STXBP6: variants seen among roughly 807,000 people sequenced by gnomAD.
STXBP6 encodes syntaxin binding protein 6.
Under a neutral mutation model 26.9 loss-of-function variants are expected in STXBP6, and 21 were observed. The ratio of observed to expected loss-of-function variants is 0.78; its 90% CI spans 0.55 to 1.12. STXBP6 has a LOEUF of 1.12. STXBP6 is among the 50% of genes most tolerant of loss of function. STXBP6 has a pLI of 0.00. For synonymous variants in STXBP6, 97 were observed against 92.6 expected, an observed-to-expected ratio of 1.05 and a Z score of -0.27; for missense variants, 232 against 257.9, an observed-to-expected ratio of 0.90 and a Z score of 0.69.
chr14:24,981,555 C>T (rs2074192449), intron 1 of STXBP6, among the ~76,000 whole-genome samples: 1 of 152,142 alleles, frequency 6.6e-6, no homozygotes, highest in South Asian at 2.1e-4. Flanking sequence ...CAGGTGCGTG[C>T]CCAGCCCAGA....
chr14:24,866,516 A>C (rs1177856884), intron 2 of STXBP6, among the ~76,000 whole-genome samples: 1 of 152,108 alleles, frequency 6.6e-6, no homozygotes, highest in Non-Finnish European at 1.5e-5. Flanking sequence ...ATAGTCAATA[A>C]GGCAACAAAG....
chr14:25,017,582 A>G (rs1360017731), intron 1 of STXBP6, among the ~76,000 whole-genome samples: 2 of 152,234 alleles, frequency 1.3e-5, no homozygotes. Context: ...GTATTCAAAG[A>G]TCAGAGACTC....
intron 4 of STXBP6, among the ~76,000 whole-genome samples, chr14:24,844,362 C>G (rs966930485): frequency 2.0e-5 from 3 of 152,110 alleles, no homozygotes; most frequent in African/African-American, 7.2e-5. Flanking sequence ...ATTATCAAAC[C>G]CGAGGAAGAG....
At chr14:24,985,310 A>C (rs2140257519) in intron 1 of STXBP6, among the ~76,000 whole-genome samples, 1 of 152,346 alleles carries the variant, frequency 6.6e-6, no homozygotes, top group Admixed American at 6.5e-5. Context: ...GCTGCTCACC[A>C]CCATCATTTC....
At chr14:24,930,356 T>C (rs879492951) in intron 2 of STXBP6, among the ~76,000 whole-genome samples, 1 of 152,252 alleles carries the variant, frequency 6.6e-6, no homozygotes, top group Non-Finnish European at 1.5e-5. Flanking sequence ...TGATAAAGTC[T>C]TCACCACACA....
chr14:25,049,616 CA>C lies in STXBP6; in HGVS notation c.-33+261del, dbSNP rs2075774356. ...TGCGGCTTGCCCAATACTGCCCGCA[CA>C]ACGGGTCCCAGGGTTGGAGAGAACC... On this transcript the variant is annotated intron_variant, in intron 1 of 5. Transcript: ENST00000323944. The surrounding 1 kb of genome is among the most constrained non-coding windows in gnomAD (Gnocchi z 5.6). 1 of 985,452 alleles carries C rather than the reference CA, an allele frequency of 1.0e-6. No homozygotes were observed. Among genetic ancestry groups the C allele is most frequent in the African/African-American group, 1.7e-5 (1 of 57,376 alleles). 61.0% of individuals were successfully genotyped at this position (985,452 alleles called of 1,614,324 possible). A position where few individuals can be genotyped will look rare whatever the true frequency, so the allele number is the denominator to read the frequency against.
intron 1 of STXBP6, among the ~76,000 whole-genome samples, chr14:24,989,621 G>A (rs2140278112): frequency 6.6e-6 from 1 of 152,326 alleles, no homozygotes; most frequent in Admixed American, 6.5e-5. Flanking sequence ...TGTGGGGAGG[G>A]GGATGGCAGT....
In STXBP6 at chr14:24,812,863, A is replaced by G. The variant is rs1042632526; in HGVS notation, c.610-131T>C. On this transcript the variant is annotated intron_variant, in intron 5 of 5. Transcript: ENST00000323944. ...AAGATTCTACTCTCTGTGGCAGATC[A>G]CCGTTACTAATTACAGTAGCACCTT... 12 of 825,156 alleles carry G rather than the reference A, an allele frequency of 1.5e-5. No homozygotes were observed. The African/African-American group carries it at 1.9e-4, about 13-fold the overall frequency. The allele number at this position is 825,156 out of a possible 1,614,324, so 51.1% of individuals were successfully genotyped here.
At chr14:24,952,053 T>C (rs1440448052) in intron 2 of STXBP6, among the ~76,000 whole-genome samples, 1 of 150,964 alleles carries the variant, frequency 6.6e-6, no homozygotes, top group African/African-American at 2.4e-5. Context: ...TATAAAAATA[T>C]TAAAGAATGA....
chr14:24,974,156 C>A (rs1358247335), intron 2 of STXBP6, among the ~76,000 whole-genome samples: 2 of 151,602 alleles, frequency 1.3e-5, no homozygotes, highest in Non-Finnish European at 1.5e-5. Flanking sequence ...CTCTTCTTGA[C>A]AAGGCAATGG....
At chr14:24,838,056 A>G (rs2068671326) in intron 4 of STXBP6, among the ~76,000 whole-genome samples, 1 of 152,220 alleles carries the variant, frequency 6.6e-6, no homozygotes, top group African/African-American at 2.4e-5. Context: ...TTTTTGAGAA[A>G]GAGTTTCACT....
Position 24,810,596 on chromosome 14 carries a change from A to T in STXBP6, c.*2113T>A, listed in dbSNP as rs1326611364. 3 of 152,212 alleles carry T rather than the reference A, an allele frequency of 2.0e-5. No homozygotes were observed. The highest frequency in any genetic ancestry group is 2.0e-4 in the Admixed American group (3 of 15,286). The allele number at this position is 152,212 out of a possible 1,614,324, so 9.4% of individuals were successfully genotyped here. ...AAGGATAAGCAGAGAGTGAGGAAAG[A>T]GGGCAAGACATGGAATACTTATATT... On this transcript the variant is annotated 3_prime_UTR_variant, in exon 6 of 6. Transcript: ENST00000323944.
At chr14:24,970,832 T>C (rs1051915490) in intron 2 of STXBP6, among the ~76,000 whole-genome samples, 1 of 152,236 alleles carries the variant, frequency 6.6e-6, no homozygotes, top group South Asian at 2.1e-4. Context: ...CAGCAAAGTA[T>C]GAGAGCTCAA....
rs1401146732 is a variant in STXBP6 at position 24,811,824 on chromosome 14, A to G, written c.*885T>C. ...CATTTTAAATGTACTACTTGTTCACATTATCATTGACACAGACCTTTACCT... is the reference window on the plus strand; with the variant it reads ...CATTTTAAATGTACTACTTGTTCACGTTATCATTGACACAGACCTTTACCT... On this transcript the variant is annotated 3_prime_UTR_variant, in exon 6 of 6. Transcript: ENST00000323944. The G allele has an allele frequency of 6.6e-6, 1 of 152,328 alleles. No individual in the cohort carries two copies. Among genetic ancestry groups the G allele is most frequent in the East Asian group, 1.9e-4 (1 of 5,182 alleles). The allele number at this position is 152,328 out of a possible 1,614,324, so 9.4% of individuals were successfully genotyped here.
chr14:24,959,101 A>G (rs939021385), intron 2 of STXBP6, among the ~76,000 whole-genome samples: 2 of 152,208 alleles, frequency 1.3e-5, no homozygotes, highest in Non-Finnish European at 2.9e-5. Flanking sequence ...CACCACCACT[A>G]CCACTAGTTC....
Position 24,972,306 on chromosome 14 carries a change from G to A in STXBP6, c.154+2359C>T, listed in dbSNP as rs188458751. Among the ~76,000 whole-genome samples the A allele has an allele frequency of 1.4e-3, 213 of 152,322 alleles. 2 individuals are homozygous for A. Among genetic ancestry groups the A allele is most frequent in the Non-Finnish European group, 2.4e-3 (160 of 68,022 alleles). Reference sequence around the variant, plus strand: ...CAAAGGAAATACAGTTATTCCGTAAGTCCCAGGTCATTATCTTCTATGGCA... The same window carrying A: ...CAAAGGAAATACAGTTATTCCGTAAATCCCAGGTCATTATCTTCTATGGCA... On this transcript the variant is annotated intron_variant, in intron 2 of 5. Coordinates refer to ENST00000323944, the MANE Select transcript of STXBP6 (RefSeq NM_001394410.1).
At chr14:25,029,730 G>A (rs895853458) in intron 1 of STXBP6, among the ~76,000 whole-genome samples, 3 of 152,116 alleles carry the variant, frequency 2.0e-5, no homozygotes, top group Non-Finnish European at 4.4e-5. Flanking sequence ...AATGGTAGGT[G>A]CTTTCCCTCC....
intron 4 of STXBP6, among the ~76,000 whole-genome samples, chr14:24,828,395 A>G (rs997131908): frequency 2.3e-4 from 35 of 152,196 alleles, no homozygotes; most frequent in African/African-American, 8.4e-4. Context: ...ATAAAACAAG[A>G]GAGTTAACAT....
intron 1 of STXBP6, among the ~76,000 whole-genome samples, chr14:24,994,122 C>T (rs148546322): frequency 6.6e-6 from 1 of 152,150 alleles, no homozygotes. Context: ...CTTTGCTTCT[C>T]TCTTCTGACT....
Sources: gnomAD v4.1 joint callset for allele counts (sites outside exome capture counted in the v4.1 genomes callset) on GRCh38, gnomAD v4.1.1 for gene constraint, Gnocchi (gnomAD v3.1) non-coding constraint, MANE v1.5 for transcripts, NCBI Gene and HGNC (gene_info 2026-07-23, HGNC 2026-07-21) for gene names.